CTNNA3: variants seen among roughly 807,000 people sequenced by gnomAD.
The protein encoded by CTNNA3 is catenin alpha-3.
In CTNNA3, 76 loss-of-function variants were observed where a neutral mutation model predicts 95.7. That is an observed-to-expected ratio of 0.79 (90% CI 0.66 to 0.96). The LOEUF is 0.96. CTNNA3 is among the 40% of genes least tolerant of loss of function. The probability of loss-of-function intolerance (pLI) is 0.00; values close to 1 mark genes in which losing one functional copy is unlikely to be tolerated. For missense variants in CTNNA3, 1,191 were observed against 1,089.8 expected, an observed-to-expected ratio of 1.09 and a Z score of -1.31; for synonymous variants, 431 against 374.4, an observed-to-expected ratio of 1.15 and a Z score of -1.74.
chr10:66,789,524 A>G (rs971391332), intron 7 of CTNNA3, among the ~76,000 whole-genome samples: 9 of 152,144 alleles, frequency 5.9e-5, no homozygotes, highest in African/African-American at 2.2e-4. Context: ...TAGATTAATG[A>G]CATCTAAATT....
At chr10:67,266,920 T>C (rs1866850925) in intron 5 of CTNNA3, among the ~76,000 whole-genome samples, 1 of 152,228 alleles carries the variant, frequency 6.6e-6, no homozygotes, top group Non-Finnish European at 1.5e-5. Context: ...AATTCTATGC[T>C]ATAAATGTAA....
intron 5 of CTNNA3, among the ~76,000 whole-genome samples, chr10:67,418,477 C>A (rs1202097635): frequency 6.8e-6 from 1 of 146,440 alleles, no homozygotes; most frequent in Admixed American, 6.9e-5. Flanking sequence ...GATAAAGAAA[C>A]AGGGGTATAC....
intron 17 of CTNNA3, among the ~76,000 whole-genome samples, chr10:65,958,372 T>C (rs925884922): frequency 3.3e-5 from 5 of 152,220 alleles, no homozygotes; most frequent in African/African-American, 1.2e-4. Context: ...ACCGATCATC[T>C]GAAGCCTTCT....
chr10:67,701,553 T>C lies in CTNNA3; in HGVS notation c.-1-54039A>G, dbSNP rs532373792. 1.1e-4 allele frequency among the ~76,000 whole-genome samples: 16 copies of C among 152,232 alleles called. No individual in the cohort carries two copies. The South Asian group carries it at 2.5e-3, about 24-fold the overall frequency. On this transcript the variant is annotated intron_variant, in intron 1 of 17. Transcript: ENST00000684154. ...CTTCATAAGTGAAGGAGAAATAAAA[T>C]ACTTTACAGACAAGCAAATGCTGAG...
chr10:66,746,412 T>C (rs1221956962), intron 9 of CTNNA3, among the ~76,000 whole-genome samples: 1 of 152,222 alleles, frequency 6.6e-6, no homozygotes, highest in South Asian at 2.1e-4. Context: ...CTTAACATTC[T>C]ATAAAATTTG....
At chr10:67,197,247 T>C (rs1207431600) in intron 6 of CTNNA3, among the ~76,000 whole-genome samples, 5 of 152,030 alleles carry the variant, frequency 3.3e-5, no homozygotes, top group Non-Finnish European at 5.9e-5. Flanking sequence ...GTTATTCCTG[T>C]GGAGTTCTCC....
At chr10:66,365,029 T>A (rs2092701742) in intron 12 of CTNNA3, among the ~76,000 whole-genome samples, 1 of 152,174 alleles carries the variant, frequency 6.6e-6, no homozygotes, top group Non-Finnish European at 1.5e-5. Context: ...ATTTACTGTA[T>A]GTCAGGTCCT....
intron 5 of CTNNA3, among the ~76,000 whole-genome samples, chr10:67,484,613 C>A (rs1251937736): frequency 1.3e-5 from 2 of 151,936 alleles, no homozygotes; most frequent in Non-Finnish European, 2.9e-5. Context: ...TAAGCAAAAA[C>A]CAAATAACCC....
chr10:67,636,412 T>C (rs1444596623), intron 2 of CTNNA3, among the ~76,000 whole-genome samples: 1 of 151,990 alleles, frequency 6.6e-6, no homozygotes, highest in Non-Finnish European at 1.5e-5. Flanking sequence ...CTACCCAAAT[T>C]CAAACTATAC....
intron 5 of CTNNA3, among the ~76,000 whole-genome samples, chr10:67,350,284 C>T (rs1445620901): frequency 6.6e-6 from 1 of 151,932 alleles, no homozygotes; most frequent in Non-Finnish European, 1.5e-5. Context: ...GGGTCATGAA[C>T]AAATGTTGGT....
At chr10:66,619,740 TAAAAA>T (rs758647644) in intron 10 of CTNNA3, among the ~76,000 whole-genome samples, 1 of 148,020 alleles carries the variant, frequency 6.8e-6, no homozygotes, top group Non-Finnish European at 1.5e-5. Context: ...AAGTAAAAAA[TAAAAA>T]AAAAGAAGCT....
At chr10:65,975,119 C>G (rs1416897057) in intron 16 of CTNNA3, among the ~76,000 whole-genome samples, 1 of 152,050 alleles carries the variant, frequency 6.6e-6, no homozygotes, top group Non-Finnish European at 1.5e-5. Context: ...ACACATTACC[C>G]TGAGTCAAAG....
intron 1 of CTNNA3, among the ~76,000 whole-genome samples, chr10:67,691,893 G>A (rs1373710188): frequency 2.0e-5 from 3 of 149,006 alleles, no homozygotes; most frequent in Admixed American, 6.6e-5. Context: ...GAGGTGGGGG[G>A]GTCAGCCCCC....
intron 7 of CTNNA3, among the ~76,000 whole-genome samples, chr10:67,110,033 C>T (rs1858837000): frequency 6.6e-6 from 1 of 151,860 alleles, no homozygotes; most frequent in Non-Finnish European, 1.5e-5. Flanking sequence ...ATGAGAATTC[C>T]CAATATATAA....
At position 65,924,724 on chromosome 10, in the gene CTNNA3, C is replaced by T. The variant is rs549530183; in HGVS notation, c.2401-4107G>A. ...CCCCTTGTATTAGTTTGTTCTCACGCTGCTAATAAAGACATACCTGAGACT... is the reference window on the plus strand; with the variant it reads ...CCCCTTGTATTAGTTTGTTCTCACGTTGCTAATAAAGACATACCTGAGACT... On this transcript the variant is annotated intron_variant, in intron 17 of 17. Transcript: ENST00000433211. Among the ~76,000 whole-genome samples, 4 of 152,284 alleles carry T rather than the reference C, an allele frequency of 2.6e-5. No individual in the cohort carries two copies. The South Asian group carries it at 8.3e-4, about 32-fold the overall frequency.
intron 12 of CTNNA3, among the ~76,000 whole-genome samples, chr10:66,289,857 T>C (rs1209915209): frequency 6.6e-6 from 1 of 152,010 alleles, no homozygotes; most frequent in Non-Finnish European, 1.5e-5. Flanking sequence ...TTATGAAACA[T>C]CAGAAAACAA....
chr10:67,466,847 C>T (rs899034776), intron 5 of CTNNA3, among the ~76,000 whole-genome samples: 2 of 152,208 alleles, frequency 1.3e-5, no homozygotes, highest in African/African-American at 2.4e-5. Context: ...CTCTAACCTA[C>T]AAGCACTTTA....
rs551350401 is a variant in CTNNA3, at chr10:66,376,270, A to G, written c.1732+2882T>C. Among the ~76,000 whole-genome samples the G allele has an allele frequency of 6.2e-4, 94 of 152,298 alleles. 2 individuals are homozygous for G. Among genetic ancestry groups the G allele is most frequent in the African/African-American group, 2.2e-3 (90 of 41,584 alleles). On this transcript the variant is annotated intron_variant, in intron 12 of 17. Transcript: ENST00000433211. ...TATTATTTATTTAAAAAGCTAATAT[A>G]TTCTATATTCTCTATTAAGAATTCC... is the stretch of plus-strand genomic sequence containing the variant.
intron 5 of CTNNA3, among the ~76,000 whole-genome samples, chr10:67,521,417 G>T (rs920303260): frequency 8.6e-5 from 13 of 151,954 alleles, no homozygotes; most frequent in Non-Finnish European, 1.0e-4. Flanking sequence ...TCATATTTTG[G>T]CATATTTATG....
Sources: allele counts gnomAD v4.1 joint callset (sites outside exome capture counted in the v4.1 genomes callset), GRCh38; gene constraint gnomAD v4.1.1; transcripts MANE v1.5; gene names NCBI Gene and HGNC (gene_info 2026-07-23, HGNC 2026-07-21).